PREX2: variants seen among roughly 807,000 people sequenced by gnomAD.
The protein encoded by PREX2 is phosphatidylinositol 3,4,5-trisphosphate-dependent Rac exchanger 2 protein.
PREX2 carries 107 observed loss-of-function variants against 203.2 expected under a neutral mutation model. That is an observed-to-expected ratio of 0.53 (90% CI 0.45 to 0.62). PREX2 has a LOEUF of 0.62. Ranked by LOEUF, PREX2 falls within the 20% of genes least tolerant of loss-of-function variation. The probability of loss-of-function intolerance (pLI) is 0.00; values close to 1 mark genes in which losing one functional copy is unlikely to be tolerated. For missense variants in PREX2, 1,777 were observed against 1,955.9 expected (o/e 0.91, Z 1.72); for synonymous variants, 672 against 663.6 (o/e 1.01, Z -0.19).
chr8:68,131,888 T>C (rs1811017750), intron 31 of PREX2, among the ~76,000 whole-genome samples: 1 of 152,198 alleles, frequency 6.6e-6, no homozygotes, highest in Non-Finnish European at 1.5e-5. Context: ...TTTCAAGGTA[T>C]GGGTGGGAGT....
intron 33 of PREX2, among the ~76,000 whole-genome samples, chr8:68,145,908 A>G (rs916124595): frequency 1.3e-5 from 2 of 152,104 alleles, no homozygotes; most frequent in Non-Finnish European, 2.9e-5. Flanking sequence ...TTTTGATTCC[A>G]AACTATGTGT....
chr8:68,138,091 T>C (rs1169023245), intron 32 of PREX2, among the ~76,000 whole-genome samples: 2 of 151,938 alleles, frequency 1.3e-5, no homozygotes, highest in Non-Finnish European at 2.9e-5. Flanking sequence ...AATAGCATGC[T>C]TTTTGTGTTC....
intron 5 of PREX2, among the ~76,000 whole-genome samples, chr8:68,029,226 T>C (rs1807812716): frequency 6.6e-6 from 1 of 152,162 alleles, no homozygotes; most frequent in Non-Finnish European, 1.5e-5. Flanking sequence ...TAGCAAGTAA[T>C]GGCCAAGGGA....
intron 1 of PREX2, among the ~76,000 whole-genome samples, chr8:67,998,090 A>G (rs1288437061): frequency 1.3e-5 from 2 of 152,194 alleles, no homozygotes; most frequent in African/African-American, 4.8e-5. Flanking sequence ...TTTATATTTT[A>G]TAGCCTAGTT....
chr8:68,036,565 T>C (rs1446540838), intron 6 of PREX2, among the ~76,000 whole-genome samples: 1 of 152,124 alleles, frequency 6.6e-6, no homozygotes, highest in Non-Finnish European at 1.5e-5. Context: ...CTTTGCTTAA[T>C]GAACACATGA....
At chr8:68,171,214 G>A (rs1373478815) in intron 35 of PREX2, among the ~76,000 whole-genome samples, 1 of 152,048 alleles carries the variant, frequency 6.6e-6, no homozygotes, top group African/African-American at 2.4e-5. Flanking sequence ...TTCAAAGCAA[G>A]TATTCTCTGA....
rs187020489 is a variant in PREX2 at position 68,112,258 on chromosome 8, T to G, written c.3146+2635T>G. Among the ~76,000 whole-genome samples the G allele has an allele frequency of 1.2e-3, 188 of 152,336 alleles. 1 individual carries two copies. Among genetic ancestry groups the G allele is most frequent in the African/African-American group, 4.3e-3 (180 of 41,582 alleles). ...TTTTGCCCTGCAATGGGCTATTTACTGGGTAATGACACTTAGGTACAAGAA... is the reference window on the plus strand; with the variant it reads ...TTTTGCCCTGCAATGGGCTATTTACGGGGTAATGACACTTAGGTACAAGAA... On this transcript the variant is annotated intron_variant, in intron 25 of 39. Transcript: ENST00000288368.
Position 68,231,476 on chromosome 8 carries a change from GCTT to G in PREX2, c.*99_*101del, listed in dbSNP as rs774781820. On this transcript the variant is annotated 3_prime_UTR_variant, in exon 40 of 40. Transcript: ENST00000288368. ...CATTCTCCACTGAAGATACATCAATGCTTTTTTTTTTTTTTTTTTCTGTAAATC... is the reference window on the plus strand; with the variant it reads ...CATTCTCCACTGAAGATACATCAATGTTTTTTTTTTTTTTTTCTGTAAATC... 1.6e-6 allele frequency: 1 copy of G among 643,708 alleles called. No homozygotes were observed. Among genetic ancestry groups the G allele is most frequent in the Non-Finnish European group, 2.2e-6 (1 of 453,922 alleles). The allele number at this position is 643,708 out of a possible 1,614,324, so 39.9% of individuals were successfully genotyped here.
intron 25 of PREX2, among the ~76,000 whole-genome samples, chr8:68,112,535 T>G (rs978964373): frequency 2.6e-5 from 4 of 151,522 alleles, no homozygotes; most frequent in African/African-American, 7.3e-5. Flanking sequence ...ATCACTGAGG[T>G]TTCCCCAAGC....
chr8:68,115,003 C>CTTTAT (rs1335872122), intron 25 of PREX2, among the ~76,000 whole-genome samples: 1 of 130,594 alleles, frequency 7.7e-6, no homozygotes, highest in Non-Finnish European at 1.7e-5. Flanking sequence ...TTTTTCTTTT[C>CTTTAT]TTTCTTTTCT....
chr8:68,104,608 C>T (rs1366799677), intron 23 of PREX2, among the ~76,000 whole-genome samples: 2 of 152,188 alleles, frequency 1.3e-5, no homozygotes, highest in African/African-American at 2.4e-5. Context: ...AAACTTCCAA[C>T]CCTCTTACAC....
intron 1 of PREX2, among the ~76,000 whole-genome samples, chr8:67,961,233 G>C (rs949049907): frequency 6.6e-6 from 1 of 151,616 alleles, no homozygotes; most frequent in Non-Finnish European, 1.5e-5. Flanking sequence ...AGCACTATTG[G>C]TTTGACCTAA....
chr8:68,164,990 C>G (rs1369303450), intron 35 of PREX2, among the ~76,000 whole-genome samples: 1 of 150,844 alleles, frequency 6.6e-6, no homozygotes, highest in Non-Finnish European at 1.5e-5. Context: ...GGAGTAAAAC[C>G]CAGGCCCTGG....
intron 34 of PREX2, among the ~76,000 whole-genome samples, chr8:68,152,739 C>T (rs939788553): frequency 1.3e-5 from 2 of 152,174 alleles, no homozygotes; most frequent in Non-Finnish European, 2.9e-5. Flanking sequence ...GGATGGGGGT[C>T]CCTGCTCATC....
At chr8:68,102,370 C>T (rs1810289653) in intron 23 of PREX2, among the ~76,000 whole-genome samples, 1 of 152,150 alleles carries the variant, frequency 6.6e-6, no homozygotes, top group African/African-American at 2.4e-5. Flanking sequence ...TGTCATCATA[C>T]CATTTGGCCA....
intron 8 of PREX2, among the ~76,000 whole-genome samples, chr8:68,044,875 A>C (rs1808305253): frequency 6.6e-6 from 1 of 152,104 alleles, no homozygotes; most frequent in Admixed American, 6.6e-5. Flanking sequence ...AACAGAGAGC[A>C]CTGTGCAGAA....
chr8:68,014,448 G>C lies in PREX2; in HGVS notation c.142-3398G>C, dbSNP rs565676898. On this transcript the variant is annotated intron_variant, in intron 1 of 39. Coordinates refer to ENST00000288368, the MANE Select transcript of PREX2 (RefSeq NM_024870.4). Reference sequence around the variant, plus strand: ...GCAAGCTGAAAGATCCTCGGGGTGCGGGGGGGGCGGCATATGTGAGAGCCT... The same window carrying C: ...GCAAGCTGAAAGATCCTCGGGGTGCCGGGGGGGCGGCATATGTGAGAGCCT... Among the ~76,000 whole-genome samples the C allele has an allele frequency of 9.4e-4, 139 of 148,210 alleles. 4 individuals are homozygous for C. In the South Asian group the frequency reaches 0.021, roughly 22 times the overall value.
In PREX2 at chr8:68,130,127, A is replaced by AG. The variant is rs1349238615; in HGVS notation, c.3766+2708_3766+2709insG. Among the ~76,000 whole-genome samples the AG allele has an allele frequency of 4.4e-3, 673 of 151,396 alleles. 8 individuals carry two copies. The highest frequency in any genetic ancestry group is 0.016 in the African/African-American group (648 of 41,260). ...GCCCTGCCTCTGCAAAAAAAAAAAAAAAAAAATTAAAAATTAGCCAGATGT... is the reference window on the plus strand; with the variant it reads ...GCCCTGCCTCTGCAAAAAAAAAAAAAGAAAAAATTAAAAATTAGCCAGATGT... On this transcript the variant is annotated intron_variant, in intron 31 of 39. Transcript: ENST00000288368.
intron 1 of PREX2, among the ~76,000 whole-genome samples, chr8:67,978,282 T>TC (rs1313836748): frequency 1.3e-5 from 2 of 152,108 alleles, no homozygotes; most frequent in Non-Finnish European, 2.9e-5. Flanking sequence ...GAGTTTTTTT[T>TC]CCCCATATCC....
Sources: gnomAD v4.1 joint callset for allele counts (sites outside exome capture counted in the v4.1 genomes callset) on GRCh38, gnomAD v4.1.1 for gene constraint, MANE v1.5 for transcripts, NCBI Gene and HGNC (gene_info 2026-07-23, HGNC 2026-07-21) for gene names.